GNA11: variants seen among roughly 807,000 people sequenced by gnomAD.
The protein encoded by GNA11 is G protein subunit alpha 11.
In GNA11, 8 loss-of-function variants were observed where a neutral mutation model predicts 38.2. The observed-to-expected ratio is 0.21, with a 90% CI of 0.12 to 0.38. GNA11 has a LOEUF of 0.38. Ranked by LOEUF, GNA11 falls within the 10% of genes least tolerant of loss-of-function variation. The pLI is 1.00. For missense variants in GNA11, 268 were observed against 516.3 expected (o/e 0.52, Z 4.66); for synonymous variants, 211 against 221.4 (o/e 0.95, Z 0.42).
intron 1 of GNA11, among the ~76,000 whole-genome samples, chr19:3,095,286 T>C (rs547776659): frequency 1.4e-4 from 22 of 152,244 alleles, no homozygotes; most frequent in African/African-American, 4.3e-4. Context: ...TCCAGGACTC[T>C]TCAGGATTTG....
chr19:3,103,675 A>G (rs1424848163), intron 1 of GNA11, among the ~76,000 whole-genome samples: 1 of 148,880 alleles, frequency 6.7e-6, no homozygotes, highest in African/African-American at 2.5e-5. Context: ...ACAAGCGCCC[A>G]CTGCCACACC....
At chr19:3,098,442 T>C (rs1488834623) in intron 1 of GNA11, among the ~76,000 whole-genome samples, 2 of 152,224 alleles carry the variant, frequency 1.3e-5, no homozygotes, top group African/African-American at 4.8e-5. Flanking sequence ...TCCGTCTCAC[T>C]GGTAAACTGT....
At chr19:3,105,443 C>T (rs1011663607) in intron 1 of GNA11, among the ~76,000 whole-genome samples, 3 of 147,232 alleles carry the variant, frequency 2.0e-5, no homozygotes, top group Non-Finnish European at 4.5e-5. Flanking sequence ...TAGACAGCGG[C>T]GCTGTGGATT....
chr19:3,105,216 C>T (rs3968546), intron 1 of GNA11, among the ~76,000 whole-genome samples: 53,291 of 151,390 alleles, frequency 0.35, 9,540 homozygotes, highest in Admixed American at 0.44. Context: ...CTTTCATGGC[C>T]GGACCCCTGG....
rs558371662 is a variant in GNA11 at position 3,110,693 on chromosome 19, G to A, written c.321+360G>A. Among the ~76,000 whole-genome samples, 7 of 152,330 alleles carry A rather than the reference G, an allele frequency of 4.6e-5. No individual in the cohort carries two copies. Among genetic ancestry groups the A allele is most frequent in the Admixed American group, 3.3e-4 (5 of 15,306 alleles). ...GTAAGCAGCGTGAGCTCCTGGTTCC[G>A]GCCCCTTCCCCAGGCTGAGCAGCCT... is the stretch of plus-strand genomic sequence containing the variant. On this transcript the variant is annotated intron_variant, in intron 2 of 6. Coordinates refer to ENST00000078429, the MANE Select transcript of GNA11 (RefSeq NM_002067.5). The surrounding 1 kb of genome is among the most constrained non-coding windows in gnomAD (Gnocchi z 5.4).
intron 3 of GNA11, among the ~76,000 whole-genome samples, chr19:3,114,183 A>G (rs1162084642): frequency 6.6e-6 from 1 of 152,112 alleles, no homozygotes; most frequent in Non-Finnish European, 1.5e-5. Context: ...GGGAGGGCCC[A>G]GATAACCAAG....
In GNA11 at chr19:3,123,027, G is replaced by A. The variant is rs1914124683; in HGVS notation, c.*1848G>A. 1 of 233,184 alleles carries A rather than the reference G, an allele frequency of 4.3e-6. No homozygotes were observed. The highest frequency in any genetic ancestry group is 8.5e-6 in the Non-Finnish European group (1 of 118,096). 14.4% of individuals were successfully genotyped at this position (233,184 alleles called of 1,614,324 possible). On this transcript the variant is annotated 3_prime_UTR_variant, in exon 7 of 7. Coordinates refer to ENST00000078429, the MANE Select transcript of GNA11 (RefSeq NM_002067.5). ...TGCCAGGTGTCTACCTAAGAGGGTTGGTGCCAGAAGCCCCCCATGGCGAGT... is the reference window on the plus strand; with the variant it reads ...TGCCAGGTGTCTACCTAAGAGGGTTAGTGCCAGAAGCCCCCCATGGCGAGT...
chr19:3,109,899 G>A (rs1913729093), intron 1 of GNA11, among the ~76,000 whole-genome samples: 1 of 152,174 alleles, frequency 6.6e-6, no homozygotes, highest in African/African-American at 2.4e-5. Context: ...AGGAAAGTGT[G>A]TCCTTGCAGA....
Position 3,120,268 on chromosome 19 carries a change from C to T in GNA11, c.890-721C>T, listed in dbSNP as rs961773932. On this transcript the variant is annotated intron_variant, in intron 6 of 6. Transcript: ENST00000078429. The surrounding 1 kb of genome is among the most constrained non-coding windows in gnomAD (Gnocchi z 5.9). ...CTGCTGTCCCTGGGCAGGGGAGTGG[C>T]GGGGGGCGCTGCACCTGCTCCAGCC... 4.6e-5 allele frequency among the ~76,000 whole-genome samples: 7 copies of T among 151,716 alleles called. No individual in the cohort carries two copies. The highest frequency in any genetic ancestry group is 7.2e-5 in the African/African-American group (3 of 41,384).
At chr19:3,106,095 G>A (rs1913633056) in intron 1 of GNA11, among the ~76,000 whole-genome samples, 1 of 152,210 alleles carries the variant, frequency 6.6e-6, no homozygotes, top group South Asian at 2.1e-4. Flanking sequence ...CTGCAGGTGG[G>A]GCAGGCTGGG....
rs1047278746 is a variant in GNA11 at position 3,120,754 on chromosome 19, C to T, written c.890-235C>T. On this transcript the variant is annotated intron_variant, in intron 6 of 6. Coordinates refer to ENST00000078429, the MANE Select transcript of GNA11 (RefSeq NM_002067.5). The surrounding 1 kb of genome is among the most constrained non-coding windows in gnomAD (Gnocchi z 5.9). ...AGGGAGCAGCGGTGGGTGCAGAGCC[C>T]CAGGTTGGAGGCCTGGGCCGTGACA... 1.3e-5 allele frequency among the ~76,000 whole-genome samples: 2 copies of T among 152,108 alleles called. No individual in the cohort carries two copies. Among genetic ancestry groups the T allele is most frequent in the African/African-American group, 4.8e-5 (2 of 41,420 alleles).
In GNA11 at chr19:3,123,293, C is replaced by T. The variant is rs753207164; in HGVS notation, c.*2114C>T. 23 of 233,174 alleles carry T rather than the reference C, an allele frequency of 9.9e-5. No individual in the cohort carries two copies. Among genetic ancestry groups the T allele is most frequent in the African/African-American group, 2.6e-4 (12 of 45,328 alleles). 14.4% of individuals were successfully genotyped at this position (233,174 alleles called of 1,614,324 possible). On this transcript the variant is annotated 3_prime_UTR_variant, in exon 7 of 7. Coordinates refer to ENST00000078429, the MANE Select transcript of GNA11 (RefSeq NM_002067.5). Reference sequence around the variant, plus strand: ...GGGGGCGTGCCAAGCATCCCAGAGCCGGGCTGGGACCGCCAAAACGTCGTG... The same window carrying T: ...GGGGGCGTGCCAAGCATCCCAGAGCTGGGCTGGGACCGCCAAAACGTCGTG...
intron 1 of GNA11, among the ~76,000 whole-genome samples, chr19:3,100,505 G>A (rs753178943): frequency 6.6e-6 from 1 of 152,338 alleles, no homozygotes; most frequent in Non-Finnish European, 1.5e-5. Context: ...GGCAGATCAC[G>A]CAGGGAAGTG....
chr19:3,116,125 C>T (rs999222783), intron 4 of GNA11, among the ~76,000 whole-genome samples: 1 of 152,022 alleles, frequency 6.6e-6, no homozygotes, highest in Non-Finnish European at 1.5e-5. Flanking sequence ...GGCTGGGGGC[C>T]GGCCAGCAGA....
At chr19:3,104,866 A>G (rs1913601129) in intron 1 of GNA11, among the ~76,000 whole-genome samples, 1 of 152,056 alleles carries the variant, frequency 6.6e-6, no homozygotes, top group Admixed American at 6.5e-5. Context: ...GGGCTCTTGG[A>G]TTTCTGCAGT....
Position 3,120,024 on chromosome 19 carries a change from C to T in GNA11, c.889+665C>T, listed in dbSNP as rs989190881. ...CCTCGTCTGTGTGGTCAGTGGCTGC[C>T]GTTAGTGCTGTCACCACTCAGAGCT... On this transcript the variant is annotated intron_variant, in intron 6 of 6. Coordinates refer to ENST00000078429, the MANE Select transcript of GNA11 (RefSeq NM_002067.5). The surrounding 1 kb of genome is among the most constrained non-coding windows in gnomAD (Gnocchi z 5.9). Among the ~76,000 whole-genome samples the T allele has an allele frequency of 7.2e-5, 11 of 152,000 alleles. No homozygotes were observed. Among genetic ancestry groups the T allele is most frequent in the Non-Finnish European group, 1.3e-4 (9 of 67,960 alleles).
rs531924554 is a variant in GNA11 at position 3,110,498 on chromosome 19, G to A, written c.321+165G>A. Among the ~76,000 whole-genome samples the A allele has an allele frequency of 9.2e-5, 14 of 152,334 alleles. No homozygotes were observed. The highest frequency in any genetic ancestry group is 3.4e-4 in the African/African-American group (14 of 41,588). On this transcript the variant is annotated intron_variant, in intron 2 of 6. Transcript: ENST00000078429. This position sits in a 1 kb window ranked among gnomAD's most constrained non-coding sequence, Gnocchi z 5.4. Reference sequence around the variant, plus strand: ...TGTCATGGACATGGAAACAGCAACCGCTGACTTCCTGGGGGCCAACTGGAG... The same window carrying A: ...TGTCATGGACATGGAAACAGCAACCACTGACTTCCTGGGGGCCAACTGGAG...
chr19:3,100,566 A>G (rs1416859473), intron 1 of GNA11, among the ~76,000 whole-genome samples: 2 of 152,154 alleles, frequency 1.3e-5, no homozygotes, highest in Non-Finnish European at 2.9e-5. Flanking sequence ...GGTCTGGTGC[A>G]CGCCAGGGGT....
At chr19:3,107,878 G>GAAGGGCGTGTGGGGGTCCCC (rs1913675536) in intron 1 of GNA11, among the ~76,000 whole-genome samples, 1 of 152,156 alleles carries the variant, frequency 6.6e-6, no homozygotes, top group Non-Finnish European at 1.5e-5. Context: ...CGCGGTGAGG[G>GAAGGGCGTGTGGGGGTCCCC]AAGGGCGTGT....
Sources: allele counts gnomAD v4.1 joint callset (sites outside exome capture counted in the v4.1 genomes callset), GRCh38; gene constraint gnomAD v4.1.1; non-coding constraint Gnocchi (gnomAD v3.1); transcripts MANE v1.5; gene names NCBI Gene and HGNC (gene_info 2026-07-23, HGNC 2026-07-21).